The following PCDHGB5 variants were observed in gnomAD, a reference collection of about 807,000 sequenced individuals.
PCDHGB5 encodes the protein protocadherin gamma subfamily B, 5.
A neutral mutation model predicts 62.9 loss-of-function variants in PCDHGB5; 48 were observed. The ratio of observed to expected loss-of-function variants is 0.76; its 90% CI spans 0.61 to 0.97. PCDHGB5 has a LOEUF of 0.97. Among genes scored for constraint, PCDHGB5 ranks in the 50% least tolerant of loss-of-function variants. PCDHGB5 has a pLI of 0.00. For synonymous variants in PCDHGB5, 474 were observed against 511.2 expected (o/e 0.93, Z 0.98); for missense variants, 1,118 against 1,198.6 (o/e 0.93, Z 0.99).
intron 1 of PCDHGB5, chr5:141,426,945 A>G: frequency 8.8e-6 from 4 of 456,724 alleles, no homozygotes; most frequent in Non-Finnish European, 1.8e-5. Context: ...CCCAGTCCCA[A>G]CTGGCACTGC....
chr5:141,510,272 TA>T (rs546154379), intron 3 of PCDHGB5, among the ~76,000 whole-genome samples: 4,704 of 130,308 alleles, frequency 0.036, 80 homozygotes, highest in South Asian at 0.057. Flanking sequence ...GACTCCATCT[TA>T]AAAAAAAAAA....
chr5:141,482,530 C>CAAAAAAAAAAA (rs3074545), intron 1 of PCDHGB5, among the ~76,000 whole-genome samples: 21 of 76,546 alleles, frequency 2.7e-4, no homozygotes, highest in African/African-American at 4.8e-4. Context: ...GACAGACATG[C>CAAAAAAAAAAA]AAAAAAAAAA....
chr5:141,494,894 C>A, intron 2 of PCDHGB5, 29 bp downstream of exon 2: 1 of 1,614,116 alleles, frequency 6.2e-7, no homozygotes, highest in South Asian at 1.1e-5. Flanking sequence ...AGCCCACCCT[C>A]TTCTCTGCGG....
At chr5:141,478,428 C>G in intron 1 of PCDHGB5, 1 of 1,613,746 alleles carries the variant, frequency 6.2e-7, no homozygotes. Flanking sequence ...CGCAGCGACC[C>G]GCTGCTGAAG....
Position 141,477,710 on chromosome 5 carries a change from G to A in PCDHGB5, c.2398-17097G>A, listed in dbSNP as rs747156156. ...GCCCCTAGACTATGAGGATCGGCGG[G>A]AATTTGAATTAACAGCTCATATCAG... On this transcript the variant is annotated intron_variant, in intron 1 of 3. Transcript: ENST00000617380. This position sits in a 1 kb window ranked among gnomAD's most constrained non-coding sequence, Gnocchi z 4.9. 2.5e-6 allele frequency: 4 copies of A among 1,613,918 alleles called. No homozygotes were observed. Among genetic ancestry groups the A allele is most frequent in the Middle Eastern group, 3.3e-4 (2 of 6,062 alleles).
intron 1 of PCDHGB5, chr5:141,440,987 A>C (rs2098217413): frequency 6.6e-6 from 1 of 152,278 alleles, no homozygotes; most frequent in African/African-American, 2.4e-5. Flanking sequence ...AACCCAGAGT[A>C]CCCATATCTA....
chr5:141,485,341 G>C lies in PCDHGB5; in HGVS notation c.2398-9466G>C. 1.2e-6 allele frequency: 2 copies of C among 1,614,118 alleles called. No homozygotes were observed. Among genetic ancestry groups the C allele is most frequent in the Non-Finnish European group, 8.5e-7 (1 of 1,180,022 alleles). ...TCGCTCAAGATTTCCTGCTGGATAC[G>C]GACAGTCTGTCAGCTCGCAGGCTGC... On this transcript the variant is annotated intron_variant, in intron 1 of 3. Coordinates refer to ENST00000617380, the MANE Select transcript of PCDHGB5 (RefSeq NM_018925.3). The surrounding 1 kb of genome is among the most constrained non-coding windows in gnomAD (Gnocchi z 5.7).
chr5:141,433,883 G>A (rs1051019240), intron 1 of PCDHGB5, among the ~76,000 whole-genome samples: 1 of 149,932 alleles, frequency 6.7e-6, no homozygotes, highest in Non-Finnish European at 1.5e-5. Flanking sequence ...ATCCATTGAT[G>A]ACACTTGCTT....
chr5:141,404,929 G>A (rs766845913), intron 1 of PCDHGB5: 46 of 1,613,744 alleles, frequency 2.9e-5, no homozygotes, highest in Admixed American at 2.3e-4. Flanking sequence ...CCACTGTCAC[G>A]CTCACAGTAG....
At chr5:141,469,111 T>TA (rs1275770294) in intron 1 of PCDHGB5, among the ~76,000 whole-genome samples, 1 of 151,476 alleles carries the variant, frequency 6.6e-6, no homozygotes, top group African/African-American at 2.4e-5. Context: ...AACCTGTCTC[T>TA]AAAAAAATTT....
chr5:141,477,639 G>T lies in PCDHGB5; in HGVS notation c.2398-17168G>T, dbSNP rs2099414883. ...GGAGCTGAAACCGGGCTAGTGGGTCGCTATTTCACAATAAATCGTGACAAT... is the reference window on the plus strand; with the variant it reads ...GGAGCTGAAACCGGGCTAGTGGGTCTCTATTTCACAATAAATCGTGACAAT... On this transcript the variant is annotated intron_variant, in intron 1 of 3. Transcript: ENST00000617380. The surrounding 1 kb of genome is among the most constrained non-coding windows in gnomAD (Gnocchi z 4.9). 3.1e-6 allele frequency: 5 copies of T among 1,614,004 alleles called. No homozygotes were observed. Among genetic ancestry groups the T allele is most frequent in the Non-Finnish European group, 4.2e-6 (5 of 1,180,034 alleles).
Position 141,486,886 on chromosome 5 carries a change from G to A in PCDHGB5, c.2398-7921G>A. The A allele has an allele frequency of 1.9e-6, 3 of 1,614,222 alleles. No individual in the cohort carries two copies. The highest frequency in any genetic ancestry group is 2.5e-6 in the Non-Finnish European group (3 of 1,180,044). ...CAGCTGTGCTCCGTCCTCGGGCCCGGCCTGGTTCCTTATGTCCCCAAGCAC... is the reference window on the plus strand; with the variant it reads ...CAGCTGTGCTCCGTCCTCGGGCCCGACCTGGTTCCTTATGTCCCCAAGCAC... On this transcript the variant is annotated intron_variant, in intron 1 of 3. Coordinates refer to ENST00000617380, the MANE Select transcript of PCDHGB5 (RefSeq NM_018925.3). This position sits in a 1 kb window ranked among gnomAD's most constrained non-coding sequence, Gnocchi z 5.0.
intron 1 of PCDHGB5, chr5:141,416,038 G>T: frequency 5.1e-6 from 1 of 196,894 alleles, no homozygotes; most frequent in Non-Finnish European, 1.0e-5. Flanking sequence ...AATCACCTCT[G>T]GAAACACAAC....
chr5:141,398,414 G>A lies in PCDHGB5; in HGVS notation c.287G>A (p.Cys96Tyr), dbSNP rs373274513. Residue 96 changes from cysteine to tyrosine, a missense_variant, in exon 1 of 4, where the codon TGC becomes TAC. This residue lies in a region of PCDHGB5 where 84 missense variants were observed against 169.5 expected (regional missense o/e 0.50). Coordinates refer to ENST00000617380, the MANE Select transcript of PCDHGB5 (RefSeq NM_018925.3). ...AGCAGGCTAGACAGGGAGGAGATAT[G>A]CGGGAAGAAGCCAGCTTGTGCTCTG... ...VSSRLDREEI[C>Y]GKKPACALEF... 1.2e-4 allele frequency: 186 copies of A among 1,488,072 alleles called. No individual in the cohort carries two copies. Among genetic ancestry groups the A allele is most frequent in the Non-Finnish European group, 1.6e-4 (171 of 1,073,344 alleles). The allele number at this position is 1,488,072 out of a possible 1,614,324, so 92.2% of individuals were successfully genotyped here.
At position 141,487,570 on chromosome 5, in the gene PCDHGB5, T is replaced by A; in HGVS notation, c.2398-7237T>A. 6.2e-7 allele frequency: 1 copy of A among 1,614,178 alleles called. No homozygotes were observed. On this transcript the variant is annotated intron_variant, in intron 1 of 3. Transcript: ENST00000617380. The surrounding 1 kb of genome is among the most constrained non-coding windows in gnomAD (Gnocchi z 5.0). ...CCAGTGCACCTATGGCAGGGGAGCCTGTTCGCCCAAGCTGCCCACCCTCTG... is the reference window on the plus strand; with the variant it reads ...CCAGTGCACCTATGGCAGGGGAGCCAGTTCGCCCAAGCTGCCCACCCTCTG...
intron 1 of PCDHGB5, chr5:141,423,339 C>T (rs1393650718): frequency 6.2e-7 from 1 of 1,614,072 alleles, no homozygotes; most frequent in Non-Finnish European, 8.5e-7. Flanking sequence ...TCTCCTGCAT[C>T]TTCCTGGTCT....
rs780671252 is a variant in PCDHGB5, at chr5:141,398,519, C to G, written c.392C>G (p.Pro131Arg). 3.1e-6 allele frequency: 5 copies of G among 1,595,048 alleles called. No homozygotes were observed. The Admixed American group carries it at 6.8e-5, about 22-fold the overall frequency. The change falls in exon 1 of 4, where the codon CCA becomes CGA. Residue 131 changes from proline to arginine, a missense_variant. Pro to Arg is a moderately radical substitution (Grantham distance 103, BLOSUM62 -2). Coordinates refer to ENST00000617380, the MANE Select transcript of PCDHGB5 (RefSeq NM_018925.3). Reference protein sequence around the residue: ...VEIEDINDHTPKFTQNSFELQ... With the variant: ...VEIEDINDHTRKFTQNSFELQ... ...ATCGAGGACATTAATGACCACACGC[C>G]AAAATTCACGCAAAATTCCTTTGAG...
At chr5:141,507,262 G>A (rs1294679320) in intron 3 of PCDHGB5, 6 of 151,748 alleles carry the variant, frequency 4.0e-5, no homozygotes, top group Non-Finnish European at 8.8e-5. Flanking sequence ...TAAACAGCAA[G>A]TACTATTTCA....
rs6883529 is a variant in PCDHGB5, at chr5:141,427,618, A to G, written c.2397+27094A>G. On this transcript the variant is annotated intron_variant, in intron 1 of 3. Coordinates refer to ENST00000617380, the MANE Select transcript of PCDHGB5 (RefSeq NM_018925.3). ...ACCCTACGCATTGGTGAAGTCAACG[A>G]CAATGCTCCGGTTTTCCACCAAGTC... The G allele has an allele frequency of 3.3e-3, 2,299 of 695,914 alleles. 37 individuals are homozygous for G. In the African/African-American group the frequency reaches 0.033, roughly 10 times the overall value. 43.1% of individuals were successfully genotyped at this position (695,914 alleles called of 1,614,324 possible).
Sources: gnomAD v4.1 joint callset for allele counts (sites outside exome capture counted in the v4.1 genomes callset) on GRCh38, gnomAD v4.1.1 for gene constraint, gnomAD v4.1.1 regional missense constraint, Gnocchi (gnomAD v3.1) non-coding constraint, MANE v1.5 for transcripts, NCBI Gene and HGNC (gene_info 2026-07-23, HGNC 2026-07-21) for gene names.